Variants in MACROD2 observed in about 807,000 individuals in gnomAD.
The protein encoded by MACROD2 is ADP-ribose glycohydrolase MACROD2.
A neutral mutation model predicts 70.4 loss-of-function variants in MACROD2; 36 were observed. The observed-to-expected ratio is 0.51, with a 90% CI of 0.39 to 0.68. The LOEUF is 0.68. Among genes scored for constraint, MACROD2 ranks in the 30% least tolerant of loss-of-function variants. MACROD2 has a pLI of 0.00. For synonymous variants in MACROD2, 172 were observed against 178.8 expected (o/e 0.96, Z 0.30); for missense variants, 496 against 538.4 (o/e 0.92, Z 0.78).
At position 14,021,980 on chromosome 20, in the gene MACROD2, A is replaced by G. The variant is rs532620333; in HGVS notation, c.163+19576A>G. Among the ~76,000 whole-genome samples, 7 of 152,280 alleles carry G rather than the reference A, an allele frequency of 4.6e-5. No individual in the cohort carries two copies. The South Asian group carries it at 1.5e-3, about 32-fold the overall frequency. ...GAGCTAGACTTGGAAGTACAATGGT[A>G]CACCTGTTTTGACTTACATGTCTTG... On this transcript the variant is annotated intron_variant, in intron 2 of 17. Transcript: ENST00000684519.
chr20:15,487,640 C>A (rs2047179309), intron 7 of MACROD2, among the ~76,000 whole-genome samples: 1 of 152,126 alleles, frequency 6.6e-6, no homozygotes, highest in South Asian at 2.1e-4. Context: ...CGGATGAAGT[C>A]AGACAGAACT....
intron 14 of MACROD2, 63 bp from the exon 15 acceptor site, chr20:15,987,003 A>T: frequency 7.3e-7 from 1 of 1,377,850 alleles, no homozygotes; most frequent in Non-Finnish European, 1.0e-6. Flanking sequence ...CCATAGTCAC[A>T]GTATTCTCTC....
chr20:14,724,646 A>T (rs1474275793), intron 5 of MACROD2, among the ~76,000 whole-genome samples: 1 of 152,200 alleles, frequency 6.6e-6, no homozygotes, highest in Non-Finnish European at 1.5e-5. Context: ...CAAAGGAAAC[A>T]CATATGGTAA....
chr20:14,400,164 A>G (rs1009032802), intron 3 of MACROD2, among the ~76,000 whole-genome samples: 1 of 152,252 alleles, frequency 6.6e-6, no homozygotes, highest in Admixed American at 6.5e-5. Context: ...AATATTTTTG[A>G]ATCCCTATCA....
chr20:15,396,374 C>T (rs1233452251), intron 6 of MACROD2, among the ~76,000 whole-genome samples: 3 of 152,176 alleles, frequency 2.0e-5, no homozygotes, highest in African/African-American at 7.2e-5. Context: ...AGAGGGGCTA[C>T]ATAACTTGAT....
intron 12 of MACROD2, among the ~76,000 whole-genome samples, chr20:15,961,227 C>G (rs2066056344): frequency 6.6e-6 from 1 of 152,084 alleles, no homozygotes; most frequent in Admixed American, 6.6e-5. Context: ...CGCCTCAGTT[C>G]TTTCTCACTC....
At chr20:15,237,169 A>T (rs973270596) in intron 6 of MACROD2, among the ~76,000 whole-genome samples, 4 of 152,200 alleles carry the variant, frequency 2.6e-5, no homozygotes, top group African/African-American at 9.7e-5. Context: ...AAACACCAAG[A>T]TACATCAAAA....
At chr20:14,023,143 C>T (rs2053111631) in intron 2 of MACROD2, among the ~76,000 whole-genome samples, 1 of 152,192 alleles carries the variant, frequency 6.6e-6, no homozygotes, top group Non-Finnish European at 1.5e-5. Flanking sequence ...ATTTGCATTT[C>T]TCTAGTGACC....
chr20:14,332,660 T>C (rs2122618234), intron 3 of MACROD2, among the ~76,000 whole-genome samples: 1 of 152,292 alleles, frequency 6.6e-6, no homozygotes, highest in Non-Finnish European at 1.5e-5. Context: ...TGCTGGGGAC[T>C]TTTAAAAATA....
chr20:14,955,566 C>T (rs2074529016), intron 5 of MACROD2, among the ~76,000 whole-genome samples: 1 of 152,064 alleles, frequency 6.6e-6, no homozygotes, highest in African/African-American at 2.4e-5. Context: ...GGCCAAGAAG[C>T]ATTTCTGAAT....
chr20:15,811,958 G>A (rs1452906957), intron 8 of MACROD2, among the ~76,000 whole-genome samples: 1 of 152,178 alleles, frequency 6.6e-6, no homozygotes, highest in Non-Finnish European at 1.5e-5. Flanking sequence ...GTAAGAAGTG[G>A]GAGTAATGCT....
chr20:15,893,490 A>G, intron 10 of MACROD2: 3 of 350,610 alleles, frequency 8.6e-6, no homozygotes, highest in Non-Finnish European at 1.7e-5. Flanking sequence ...ATACCTTTGC[A>G]TTTTTGCATT....
chr20:15,656,641 G>A (rs1418016428), intron 8 of MACROD2, among the ~76,000 whole-genome samples: 1 of 152,180 alleles, frequency 6.6e-6, no homozygotes, highest in Non-Finnish European at 1.5e-5. Flanking sequence ...AAGGTCAGCT[G>A]TCTTGAGGTC....
chr20:15,938,280 T>A (rs962893435), intron 12 of MACROD2, among the ~76,000 whole-genome samples: 1 of 152,220 alleles, frequency 6.6e-6, no homozygotes, highest in African/African-American at 2.4e-5. Flanking sequence ...CCCTTCATTT[T>A]ACTGTGCTTT....
intron 8 of MACROD2, among the ~76,000 whole-genome samples, chr20:15,749,144 C>T (rs192001976): frequency 1.1e-4 from 17 of 152,184 alleles, no homozygotes; most frequent in Admixed American, 3.9e-4. Context: ...GTTTTAACAT[C>T]TTGCTTTCTT....
intron 5 of MACROD2, among the ~76,000 whole-genome samples, chr20:14,846,887 A>C (rs1243914845): frequency 6.6e-6 from 1 of 152,160 alleles, no homozygotes; most frequent in Non-Finnish European, 1.5e-5. Context: ...GTTCATTACC[A>C]TTTGGCATAT....
At chr20:15,622,338 GC>G (rs374209214) in intron 8 of MACROD2, among the ~76,000 whole-genome samples, 23 of 152,312 alleles carry the variant, frequency 1.5e-4, no homozygotes, top group African/African-American at 5.1e-4. Flanking sequence ...ATACAGCAGT[GC>G]CCCCTTATTT....
At chr20:15,519,118 CCTTTCTTTCTTT>C in intron 8 of MACROD2, among the ~76,000 whole-genome samples, 1 of 91,016 alleles carries the variant, frequency 1.1e-5, no homozygotes, top group South Asian at 3.6e-4. Flanking sequence ...TTCCTTCCTT[CCTTTCTTTCTTT>C]CTTTTTCTCT....
At chr20:15,782,854 T>G (rs2051857995) in intron 8 of MACROD2, among the ~76,000 whole-genome samples, 1 of 152,030 alleles carries the variant, frequency 6.6e-6, no homozygotes, top group Non-Finnish European at 1.5e-5. Context: ...TTTCTCTAGC[T>G]CTATAAGCTT....
Sources: gnomAD v4.1 joint callset for allele counts (sites outside exome capture counted in the v4.1 genomes callset) on GRCh38, gnomAD v4.1.1 for gene constraint, MANE v1.5 for transcripts, NCBI Gene and HGNC (gene_info 2026-07-23, HGNC 2026-07-21) for gene names.